The following EDC3 variants were observed in gnomAD, a reference collection of about 807,000 sequenced individuals.
EDC3 encodes enhancer of mRNA-decapping protein 3.
Under a neutral mutation model 41.8 loss-of-function variants are expected in EDC3, and 20 were observed. The ratio of observed to expected loss-of-function variants is 0.48; its 90% CI spans 0.34 to 0.70. EDC3 has a LOEUF of 0.70. EDC3 is among the 30% of genes least tolerant of loss of function. The pLI, the probability that EDC3 is intolerant of heterozygous loss-of-function variation, is 0.01. For synonymous variants in EDC3, 206 were observed against 243.2 expected (o/e 0.85, Z 1.42); for missense variants, 444 against 636.8 (o/e 0.70, Z 3.26).
chr15:74,677,212 A>G (rs1447243956), intron 1 of EDC3, among the ~76,000 whole-genome samples: 1 of 151,436 alleles, frequency 6.6e-6, no homozygotes, highest in Non-Finnish European at 1.5e-5. Flanking sequence ...ACAGGCATGC[A>G]CCACCACACC....
chr15:74,685,043 C>T (rs967828452), intron 1 of EDC3, among the ~76,000 whole-genome samples: 1 of 152,098 alleles, frequency 6.6e-6, no homozygotes, highest in African/African-American at 2.4e-5. Context: ...TCTCCAACAC[C>T]TTAAATCCTG....
intron 6 of EDC3, among the ~76,000 whole-genome samples, chr15:74,634,066 C>T (rs1462855043): frequency 6.6e-6 from 1 of 152,128 alleles, no homozygotes; most frequent in African/African-American, 2.4e-5. Flanking sequence ...TTGCTCTCTC[C>T]AATTCTTCTC....
rs1315409123 is a variant in EDC3, at chr15:74,668,032, C to A, written c.484+3423G>T. ...CCATGGTGATAATATATACACTTGACACAAGGTGATGAAAATGGTACTTTA... is the reference window on the plus strand; with the variant it reads ...CCATGGTGATAATATATACACTTGAAACAAGGTGATGAAAATGGTACTTTA... On this transcript the variant is annotated intron_variant, in intron 3 of 6. Transcript: ENST00000315127. 3.3e-5 allele frequency among the ~76,000 whole-genome samples: 5 copies of A among 152,284 alleles called. No individual in the cohort carries two copies. In the East Asian group the frequency reaches 9.6e-4, roughly 29 times the overall value.
chr15:74,660,433 A>ATATATGTG (rs60853393), intron 3 of EDC3, among the ~76,000 whole-genome samples: 1 of 47,158 alleles, frequency 2.1e-5, no homozygotes, highest in African/African-American at 5.4e-5. Flanking sequence ...ATATATATAT[A>ATATATGTG]TGTGTGTGTG....
rs1307470520 is a variant in EDC3, at chr15:74,632,946, T to A, written c.1193A>T (p.Asp398Val). ...TQGQQVSSLKDLPTSPVDLVI... is the reference protein window; with the variant it reads ...TQGQQVSSLKVLPTSPVDLVI... ...CAGGTCCACAGGGCTAGTGGGCAGATCTGCAGGTGGAAAGAGTGCCATCTG... is the reference window on the plus strand; with the variant it reads ...CAGGTCCACAGGGCTAGTGGGCAGAACTGCAGGTGGAAAGAGTGCCATCTG... The change falls in exon 7 of 7, where the codon GAT becomes GTT. Residue 398 changes from aspartate to valine, a missense_variant and splice_region_variant. Physicochemically the swap from Asp to Val is radical, Grantham distance 152. Transcript: ENST00000315127. This position sits in a 1 kb window ranked among gnomAD's most constrained non-coding sequence, Gnocchi z 4.0. 2 of 1,612,944 alleles carry A rather than the reference T, an allele frequency of 1.2e-6. No homozygotes were observed. The highest frequency in any genetic ancestry group is 3.3e-5 in the Admixed American group (2 of 59,992).
chr15:74,683,665 C>G (rs1181377056), intron 1 of EDC3, among the ~76,000 whole-genome samples: 2 of 152,046 alleles, frequency 1.3e-5, no homozygotes, highest in Non-Finnish European at 2.9e-5. Context: ...CATAAGGAAT[C>G]TCTCTGTATT....
At chr15:74,654,896 C>A (rs1273977728) in intron 4 of EDC3, among the ~76,000 whole-genome samples, 1 of 152,188 alleles carries the variant, frequency 6.6e-6, no homozygotes, top group Non-Finnish European at 1.5e-5. Context: ...ATATTCCAAA[C>A]TTCAAACCAA....
At chr15:74,681,051 T>C (rs909715278) in intron 1 of EDC3, among the ~76,000 whole-genome samples, 2 of 152,194 alleles carry the variant, frequency 1.3e-5, no homozygotes, top group African/African-American at 4.8e-5. Context: ...CTCAAATTGG[T>C]ATAAAGGATC....
intron 2 of EDC3, among the ~76,000 whole-genome samples, chr15:74,672,134 T>C (rs1464329454): frequency 6.6e-6 from 1 of 151,262 alleles, no homozygotes; most frequent in Non-Finnish European, 1.5e-5. Flanking sequence ...CCGGGCATAG[T>C]GGCGGGCACC....
intron 2 of EDC3, among the ~76,000 whole-genome samples, chr15:74,674,270 A>C (rs756325151): frequency 6.6e-6 from 1 of 152,094 alleles, no homozygotes; most frequent in Non-Finnish European, 1.5e-5. Flanking sequence ...ACACCCAGCT[A>C]ATTTTTAAAA....
rs1336470850 is a variant in EDC3 at position 74,671,868 on chromosome 15, C to T, written c.165-94G>A. 1.6e-6 allele frequency: 2 copies of T among 1,285,488 alleles called. No individual in the cohort carries two copies. The highest frequency in any genetic ancestry group is 3.0e-5 in the African/African-American group (2 of 67,694). The allele number at this position is 1,285,488 out of a possible 1,614,324, so 79.6% of individuals were successfully genotyped here. On this transcript the variant is annotated intron_variant, in intron 2 of 6. Coordinates refer to ENST00000315127, the MANE Select transcript of EDC3 (RefSeq NM_025083.5). The surrounding 1 kb of genome is among the most constrained non-coding windows in gnomAD (Gnocchi z 4.6). ...AGCAAACAGCTACCCCTTTGCAGGA[C>T]TGCATTTTATTGAGTTATCAGAGGC...
intron 5 of EDC3, chr15:74,635,900 G>A (rs1390078427): frequency 1.0e-5 from 5 of 487,682 alleles, no homozygotes; most frequent in South Asian, 2.4e-5. Flanking sequence ...CCACAACACC[G>A]CTTTGCTGAC....
chr15:74,654,587 G>T (rs866743721), intron 4 of EDC3, among the ~76,000 whole-genome samples: 1 of 152,128 alleles, frequency 6.6e-6, no homozygotes, highest in African/African-American at 2.4e-5. Context: ...CACTGTCACT[G>T]CCACTTAAGG....
chr15:74,690,891 A>C (rs1419219895), intron 1 of EDC3, among the ~76,000 whole-genome samples: 1 of 152,204 alleles, frequency 6.6e-6, no homozygotes, highest in Non-Finnish European at 1.5e-5. Flanking sequence ...TAAAATTCTG[A>C]AATCACACTG....
chr15:74,691,961 C>T (rs1448218501), intron 1 of EDC3, among the ~76,000 whole-genome samples: 1 of 152,126 alleles, frequency 6.6e-6, no homozygotes, highest in Non-Finnish European at 1.5e-5. Flanking sequence ...GGACTACAGG[C>T]GCCCACCAAC....
intron 4 of EDC3, among the ~76,000 whole-genome samples, chr15:74,648,046 G>A (rs947843408): frequency 1.3e-5 from 2 of 152,166 alleles, no homozygotes; most frequent in African/African-American, 4.8e-5. Context: ...GGGTGAGAAG[G>A]CAATGAGATG....
rs1456886045 is a variant in EDC3, at chr15:74,676,498, A to T, written c.-18-1356T>A. Among the ~76,000 whole-genome samples the T allele has an allele frequency of 2.0e-5, 3 of 152,154 alleles. No homozygotes were observed. The East Asian group carries it at 5.8e-4, about 29-fold the overall frequency. ...CTAATAAAGAAAAAAGATAAAACAC[A>T]TATTATTAATATCAGAAATGAACAA... On this transcript the variant is annotated intron_variant, in intron 1 of 6. Coordinates refer to ENST00000315127, the MANE Select transcript of EDC3 (RefSeq NM_025083.5).
intron 1 of EDC3, among the ~76,000 whole-genome samples, chr15:74,681,441 C>A (rs920829676): frequency 1.1e-4 from 17 of 152,300 alleles, no homozygotes; most frequent in African/African-American, 4.1e-4. Flanking sequence ...TGAGCCACCA[C>A]GCCTGGCTGC....
At chr15:74,658,772 C>T (rs1001682103) in intron 3 of EDC3, among the ~76,000 whole-genome samples, 1 of 151,634 alleles carries the variant, frequency 6.6e-6, no homozygotes, top group Non-Finnish European at 1.5e-5. Flanking sequence ...AACCTTGTCT[C>T]TACTAAAAAT....
Sources: allele counts gnomAD v4.1 joint callset (sites outside exome capture counted in the v4.1 genomes callset), GRCh38; gene constraint gnomAD v4.1.1; non-coding constraint Gnocchi (gnomAD v3.1); transcripts MANE v1.5; gene names NCBI Gene and HGNC (gene_info 2026-07-23, HGNC 2026-07-21).